GLMN: variants seen among roughly 807,000 people sequenced by gnomAD.
GLMN encodes glomulin, FKBP associated protein.
In GLMN, 75 loss-of-function variants were observed where a neutral mutation model predicts 87.8. The ratio of observed to expected loss-of-function variants is 0.85; its 90% confidence interval spans 0.71 to 1.04. The LOEUF is 1.04. GLMN is among the 50% of genes least tolerant of loss of function. The pLI is 0.00. For synonymous variants in GLMN, 206 were observed against 221.6 expected, an observed-to-expected ratio of 0.93 and a Z score of 0.63; for missense variants, 588 against 658.8, an observed-to-expected ratio of 0.89 and a Z score of 1.18.
intron 7 of GLMN, among the ~76,000 whole-genome samples, chr1:92,283,162 G>C: frequency 6.6e-6 from 1 of 152,166 alleles, no homozygotes; most frequent in East Asian, 1.9e-4. Context: ...AAGCCTGGCA[G>C]AGACACAACA....
the GLMN span, among the ~76,000 whole-genome samples, chr1:92,342,458 A>G: frequency 2.0e-5 from 3 of 152,206 alleles, no homozygotes; most frequent in Non-Finnish European, 4.4e-5. Flanking sequence ...TAGGCCTTGT[A>G]GCTATGATCA....
chr1:92,265,639 T>G (rs1276264284), intron 13 of GLMN, among the ~76,000 whole-genome samples: 2 of 152,044 alleles, frequency 1.3e-5, no homozygotes, highest in East Asian at 3.9e-4. Flanking sequence ...CATGATGGCA[T>G]GCACCTGTAG....
At chr1:92,287,314 TTC>T (rs1214342650) in intron 6 of GLMN, among the ~76,000 whole-genome samples, 1 of 152,230 alleles carries the variant, frequency 6.6e-6, no homozygotes, top group Non-Finnish European at 1.5e-5. Context: ...AAAATACCTT[TTC>T]TTTTATGAAA....
At chr1:92,301,565 T>A, upstream of GLMN, 2 of 1,534,844 alleles carry the variant, frequency 1.3e-6, no homozygotes, top group Non-Finnish European at 1.8e-6. Context: ...GAGGAGAATA[T>A]TACAGAAGAG....
chr1:92,256,698 TCAA>T (rs1365126831), intron 16 of GLMN, among the ~76,000 whole-genome samples: 1 of 152,170 alleles, frequency 6.6e-6, no homozygotes, highest in African/African-American at 2.4e-5. Context: ...TGGATAAAAT[TCAA>T]CAGCCCTTCA....
At chr1:92,313,239 A>C in the GLMN span, among the ~76,000 whole-genome samples, 25 of 152,314 alleles carry the variant, frequency 1.6e-4, no homozygotes, top group South Asian at 5.0e-3. Flanking sequence ...GCCCAAATCC[A>C]TCAGAGGAAT....
chr1:92,320,098 CAAT>C, the GLMN span, among the ~76,000 whole-genome samples: 1 of 151,830 alleles, frequency 6.6e-6, no homozygotes, highest in Non-Finnish European at 1.5e-5. Flanking sequence ...ATTGTACAGA[CAAT>C]GATGACTCTG....
intron 14 of GLMN, 62 bp from the exon 15 acceptor site, chr1:92,263,794 A>G (rs927499682): frequency 2.3e-5 from 19 of 816,852 alleles, no homozygotes; most frequent in Non-Finnish European, 3.5e-5. Flanking sequence ...TGTTTTTCTA[A>G]TACCTTGACA....
At chr1:92,362,846 A>G in the GLMN span, among the ~76,000 whole-genome samples, 1 of 152,332 alleles carries the variant, frequency 6.6e-6, no homozygotes, top group African/African-American at 2.4e-5. Flanking sequence ...GAATAAAAAA[A>G]TTGCCAGGTT....
chr1:92,331,588 A>G, the GLMN span, among the ~76,000 whole-genome samples: 3 of 152,168 alleles, frequency 2.0e-5, no homozygotes, highest in Non-Finnish European at 4.4e-5. Context: ...CTTCCTGGAC[A>G]ATTAGCACCT....
Position 92,289,122 on chromosome 1 carries a change from A to C in GLMN, c.424T>G (p.Ser142Ala), listed in dbSNP as rs1268516115. The C allele has an allele frequency of 1.9e-6, 3 of 1,604,242 alleles. No individual in the cohort carries two copies. The highest frequency in any genetic ancestry group is 1.7e-5 in the Admixed American group (1 of 60,006). ...VIQKLHNKAY[S>A]IGLALSTLWN... ...AGGGTAGACAATGCTAATCCAATTG[A>C]ATATGCCTTGTTATGAAGTTTCTGA... Residue 142 changes from serine (S) to alanine (A), a missense_variant, in exon 6 of 19, where the codon TCA (serine) becomes GCA (alanine). By Grantham distance (99) the Ser-to-Ala change is moderately conservative. Transcript: ENST00000370360.
At chr1:92,354,977 C>T in the GLMN span, among the ~76,000 whole-genome samples, 1 of 151,358 alleles carries the variant, frequency 6.6e-6, no homozygotes, top group Admixed American at 6.6e-5. Flanking sequence ...CAGCTCATTG[C>T]AATCTCTGCC....
In GLMN at chr1:92,288,975, C is replaced by A. The variant is rs199528216; in HGVS notation, c.571G>T (p.Val191Phe). Reference protein sequence around the residue: ...IEFTKPFVEEVIDNKENSLEN... With the variant: ...IEFTKPFVEEFIDNKENSLEN... Reference sequence around the variant, plus strand: ...AGTGAGTTTTCTTTGTTATCAATGACTTCTTCCACAAAAGGCTTAGTGAAC... The same window carrying A: ...AGTGAGTTTTCTTTGTTATCAATGAATTCTTCCACAAAAGGCTTAGTGAAC... Residue 191 changes from valine (V) to phenylalanine (F), a missense_variant, in exon 6 of 19, where the codon GTC becomes TTC. Physicochemically the swap from Val to Phe is conservative, Grantham distance 50. Transcript: ENST00000370360. 1.4e-4 allele frequency: 221 copies of A among 1,612,662 alleles called. No individual in the cohort carries two copies. The highest frequency in any genetic ancestry group is 4.8e-4 in the Admixed American group (29 of 59,996).
At chr1:92,298,342 C>G (rs1363544571) in intron 1 of GLMN, among the ~76,000 whole-genome samples, 1 of 151,922 alleles carries the variant, frequency 6.6e-6, no homozygotes, top group African/African-American at 2.4e-5. Flanking sequence ...AAAAACCTCT[C>G]GAGCACTCCC....
At chr1:92,323,063 TTA>T in the GLMN span, among the ~76,000 whole-genome samples, 4 of 146,204 alleles carry the variant, frequency 2.7e-5, no homozygotes, top group South Asian at 4.2e-4. Context: ...TATATATACT[TTA>T]TATATATATT....
At chr1:92,257,133 A>G (rs539218921) in intron 16 of GLMN, among the ~76,000 whole-genome samples, 1 of 152,340 alleles carries the variant, frequency 6.6e-6, no homozygotes, top group East Asian at 1.9e-4. Context: ...CCAAATCATG[A>G]GTGAACTCCC....
the GLMN span, among the ~76,000 whole-genome samples, chr1:92,354,132 G>C: frequency 6.6e-6 from 1 of 152,116 alleles, no homozygotes; most frequent in Non-Finnish European, 1.5e-5. Flanking sequence ...GCAAATCACA[G>C]CCTTGATTTT....
At chr1:92,334,708 C>T in the GLMN span, among the ~76,000 whole-genome samples, 39,496 of 151,862 alleles carry the variant, frequency 0.26, 6,523 homozygotes, top group Non-Finnish European at 0.35. Flanking sequence ...AAAATTCGGC[C>T]GAGTGCAGTG....
At position 92,267,718 on chromosome 1, in the gene GLMN, T is replaced by A. The variant is rs572514914; in HGVS notation, c.1098+195A>T. ...GACTACACCTCAAAAAAAAAAAAAA[T>A]AGTTCCTTAGTCACATTTCAAGTGT... On this transcript the variant is annotated intron_variant, in intron 11 of 18. Transcript: ENST00000370360. 5.8e-3 allele frequency among the ~76,000 whole-genome samples: 851 copies of A among 146,950 alleles called. 7 individuals carry two copies. The highest frequency in any genetic ancestry group is 0.018 in the African/African-American group (738 of 39,928).
Sources: allele counts gnomAD v4.1 joint callset (sites outside exome capture counted in the v4.1 genomes callset), GRCh38; gene constraint gnomAD v4.1.1; transcripts MANE v1.5; gene names NCBI Gene and HGNC (gene_info 2026-07-23, HGNC 2026-07-21).